The following IGF1 variants were observed in gnomAD, a reference collection of about 807,000 sequenced individuals.
The protein encoded by IGF1 is insulin-like growth factor 1.
In IGF1, 4 loss-of-function variants were observed where a neutral mutation model predicts 13.8. That is an observed-to-expected ratio of 0.29 (90% CI 0.14 to 0.66). IGF1 has a LOEUF of 0.66. Ranked by LOEUF, IGF1 falls within the 30% of genes least tolerant of loss-of-function variation. The pLI, the probability that IGF1 is intolerant of heterozygous loss-of-function variation, is 0.78. For synonymous variants in IGF1, 76 were observed against 72.6 expected, an observed-to-expected ratio of 1.05 and a Z score of -0.23; for missense variants, 124 against 188.5, an observed-to-expected ratio of 0.66 and a Z score of 2.00.
chr12:102,478,480 TA>T, intron 1 of IGF1: 1 of 1,596,724 alleles, frequency 6.3e-7, no homozygotes, highest in Non-Finnish European at 8.5e-7. Flanking sequence ...CATAAGAAAA[TA>T]CTCACTGTAG....
In IGF1 at chr12:102,397,735, C is replaced by T. The variant is rs1873334891; in HGVS notation, c.*4772G>A. 1 of 152,166 alleles carries T rather than the reference C, an allele frequency of 6.6e-6. No homozygotes were observed. Among genetic ancestry groups the T allele is most frequent in the South Asian group, 2.1e-4 (1 of 4,830 alleles). 9.4% of individuals were successfully genotyped at this position (152,166 alleles called of 1,614,324 possible). A position where few individuals can be genotyped will look rare whatever the true frequency, so the allele number is the denominator to read the frequency against. On this transcript the variant is annotated 3_prime_UTR_variant, in exon 4 of 4. Coordinates refer to ENST00000337514, the MANE Select transcript of IGF1 (RefSeq NM_000618.5). ...GGTCTTTGCAAGGGAGGGGCATAAA[C>T]TTTCACAATTCTTCTGTTTTAAAAT...
Position 102,475,515 on chromosome 12 carries a change from C to T in IGF1, c.220+128G>A, listed in dbSNP as rs1239107306. On this transcript the variant is annotated intron_variant, in intron 2 of 3. Coordinates refer to ENST00000337514, the MANE Select transcript of IGF1 (RefSeq NM_000618.5). ...CTATGCTTACTTTAAGGTGAGGAAT[C>T]TCAGAGGCCTAGGATGGCTGCCAGA... The T allele has an allele frequency of 2.4e-5, 26 of 1,080,076 alleles. No individual in the cohort carries two copies. In the South Asian group the frequency reaches 3.6e-4, roughly 15 times the overall value. 66.9% of individuals were successfully genotyped at this position (1,080,076 alleles called of 1,614,324 possible).
intron 2 of IGF1, among the ~76,000 whole-genome samples, chr12:102,435,708 A>G (rs1217246991): frequency 2.0e-5 from 3 of 152,234 alleles, no homozygotes. Flanking sequence ...ATTCAGGCCC[A>G]TAATTCTGTG....
intron 2 of IGF1, among the ~76,000 whole-genome samples, chr12:102,474,121 G>T (rs1880863307): frequency 6.6e-6 from 1 of 152,150 alleles, no homozygotes; most frequent in Admixed American, 6.5e-5. Flanking sequence ...AGGATCAGTA[G>T]CTGCAAATTA....
At chr12:102,471,938 A>G (rs1327715836) in intron 2 of IGF1, among the ~76,000 whole-genome samples, 3 of 152,154 alleles carry the variant, frequency 2.0e-5, no homozygotes, top group Non-Finnish European at 2.9e-5. Flanking sequence ...TATCTATGGT[A>G]AGCTTCACTT....
chr12:102,414,433 T>G (rs927249587), intron 3 of IGF1, among the ~76,000 whole-genome samples: 8 of 152,160 alleles, frequency 5.3e-5, no homozygotes, highest in Non-Finnish European at 8.8e-5. Flanking sequence ...TTATTTAATT[T>G]TTTTTTGAGA....
At chr12:102,478,318 A>T (rs1043777836) in intron 1 of IGF1, among the ~76,000 whole-genome samples, 1 of 151,610 alleles carries the variant, frequency 6.6e-6, no homozygotes, top group Non-Finnish European at 1.5e-5. Context: ...AGAAAAAAAG[A>T]AAAAAAAATC....
chr12:102,430,766 G>A (rs1199218203), intron 2 of IGF1, among the ~76,000 whole-genome samples: 1 of 152,206 alleles, frequency 6.6e-6, no homozygotes, highest in Non-Finnish European at 1.5e-5. Flanking sequence ...GTAAAGGTCA[G>A]TTATGAAGTC....
intron 2 of IGF1, among the ~76,000 whole-genome samples, chr12:102,467,145 C>T (rs1027832567): frequency 2.2e-4 from 33 of 152,134 alleles, no homozygotes; most frequent in African/African-American, 8.0e-4. Flanking sequence ...CCCATTTCAT[C>T]AGGGTAAATG....
chr12:102,419,007 G>A (rs1321425304), intron 3 of IGF1, among the ~76,000 whole-genome samples: 1 of 152,208 alleles, frequency 6.6e-6, no homozygotes, highest in Non-Finnish European at 1.5e-5. Flanking sequence ...GAACTTGAAA[G>A]GTTACAAGCT....
rs750216810 is a variant in IGF1 at position 102,397,717 on chromosome 12, G to A, written c.*4790C>T. 2 of 152,120 alleles carry A rather than the reference G, an allele frequency of 1.3e-5. No homozygotes were observed. The highest frequency in any genetic ancestry group is 2.4e-5 in the African/African-American group (1 of 41,436). The allele number at this position is 152,120 out of a possible 1,614,324, so 9.4% of individuals were successfully genotyped here. ...ACCAGATCTGGACTTTATGGTCTTTGCAAGGGAGGGGCATAAACTTTCACA... is the reference window on the plus strand; with the variant it reads ...ACCAGATCTGGACTTTATGGTCTTTACAAGGGAGGGGCATAAACTTTCACA... On this transcript the variant is annotated 3_prime_UTR_variant, in exon 4 of 4. Transcript: ENST00000337514.
At chr12:102,404,639 C>G (rs1873978937) in intron 3 of IGF1, among the ~76,000 whole-genome samples, 2 of 152,140 alleles carry the variant, frequency 1.3e-5, no homozygotes, top group Admixed American at 6.5e-5. Flanking sequence ...CTTGAAATGC[C>G]ATTTGTTTTA....
chr12:102,429,456 C>A (rs766514889), intron 2 of IGF1, among the ~76,000 whole-genome samples: 2 of 152,062 alleles, frequency 1.3e-5, no homozygotes, highest in Non-Finnish European at 2.9e-5. Flanking sequence ...TTGCACTCCT[C>A]CCAATCCCCT....
At chr12:102,406,803 G>T (rs1310204751) in intron 3 of IGF1, among the ~76,000 whole-genome samples, 2 of 151,948 alleles carry the variant, frequency 1.3e-5, no homozygotes, top group Non-Finnish European at 2.9e-5. Flanking sequence ...TTTCAATTAA[G>T]ATTACTGTGC....
chr12:102,420,952 A>T (rs1001157381), intron 2 of IGF1, among the ~76,000 whole-genome samples: 1 of 152,222 alleles, frequency 6.6e-6, no homozygotes, highest in Non-Finnish European at 1.5e-5. Flanking sequence ...TGACACCATT[A>T]CTTGAGGATA....
At chr12:102,467,122 C>T (rs1880388985) in intron 2 of IGF1, among the ~76,000 whole-genome samples, 2 of 152,130 alleles carry the variant, frequency 1.3e-5, no homozygotes, top group African/African-American at 4.8e-5. Context: ...AATCACTTGC[C>T]TCTGATGAAA....
rs142020217 is a variant in IGF1, at chr12:102,421,158, G to T, written c.221-1468C>A. Among the ~76,000 whole-genome samples the T allele has an allele frequency of 1.6e-3, 236 of 152,244 alleles. 1 individual carries two copies. The highest frequency in any genetic ancestry group is 5.2e-3 in the African/African-American group (215 of 41,530). On this transcript the variant is annotated intron_variant, in intron 2 of 3. Coordinates refer to ENST00000337514, the MANE Select transcript of IGF1 (RefSeq NM_000618.5). Reference sequence around the variant, plus strand: ...CCTGGTGGCTGCTTCCTTCTGTAAGGCAGGTTTATTGTCATTCTTAGGGCA... The same window carrying T: ...CCTGGTGGCTGCTTCCTTCTGTAAGTCAGGTTTATTGTCATTCTTAGGGCA...
chr12:102,480,984 A>T (rs2288377), upstream of IGF1, among the ~76,000 whole-genome samples: 5,248 of 152,178 alleles, frequency 0.034, 375 homozygotes, highest in East Asian at 0.3. Context: ...GGACGATAAG[A>T]CCCTCTCCAG....
At chr12:102,405,460 T>G (rs959386643) in intron 3 of IGF1, among the ~76,000 whole-genome samples, 1 of 152,094 alleles carries the variant, frequency 6.6e-6, no homozygotes, top group Non-Finnish European at 1.5e-5. Flanking sequence ...ATAGCATCCC[T>G]AATGTTCCCA....
Sources: allele counts gnomAD v4.1 joint callset (sites outside exome capture counted in the v4.1 genomes callset), GRCh38; gene constraint gnomAD v4.1.1; transcripts MANE v1.5; gene names NCBI Gene and HGNC (gene_info 2026-07-23, HGNC 2026-07-21).